The following AHI1 variants were observed in gnomAD, a reference collection of about 807,000 sequenced individuals.
AHI1 encodes the protein jouberin.
A neutral mutation model predicts 149.3 loss-of-function variants in AHI1; 123 were observed. The observed-to-expected ratio is 0.82, with a 90% CI of 0.71 to 0.96. The LOEUF (loss-of-function observed/expected upper bound fraction) is 0.96. AHI1 is among the 40% of genes least tolerant of loss of function. The pLI, the probability that AHI1 is intolerant of heterozygous loss-of-function variation, is 0.00. For synonymous variants in AHI1, 475 were observed against 459.8 expected, an observed-to-expected ratio of 1.03 and a Z score of -0.42; for missense variants, 1,439 against 1,422.7, an observed-to-expected ratio of 1.01 and a Z score of -0.18.
intron 2 of AHI1, among the ~76,000 whole-genome samples, chr6:135,496,787 T>C (rs545782634): frequency 2.2e-4 from 34 of 152,294 alleles, no homozygotes; most frequent in African/African-American, 7.9e-4. Context: ...AATGAATAAA[T>C]CAACAAGATT....
At chr6:135,448,207 C>A in intron 12 of AHI1, 83 bp downstream of exon 12, 1 of 1,025,340 alleles carries the variant, frequency 9.8e-7, no homozygotes, top group Non-Finnish European at 1.3e-6. Flanking sequence ...GAGGCCTTAT[C>A]TTTTTAGAAA....
chr6:135,488,598 T>C (rs560994903), intron 5 of AHI1, among the ~76,000 whole-genome samples: 136 of 152,340 alleles, frequency 8.9e-4, no homozygotes, highest in Non-Finnish European at 1.8e-3. Flanking sequence ...CCAATATCTA[T>C]CTTGCATGAT....
At chr6:135,341,729 A>G (rs949372255) in intron 24 of AHI1, among the ~76,000 whole-genome samples, 3 of 151,978 alleles carry the variant, frequency 2.0e-5, no homozygotes, top group African/African-American at 7.2e-5. Flanking sequence ...CACTGGGTCC[A>G]AAAATAAAAC....
In AHI1 at chr6:135,300,339, AAG is replaced by A. The variant is rs376404275; in HGVS notation, c.3485+159_3485+160del. On this transcript the variant is annotated intron_variant, in intron 27 of 28. Transcript: ENST00000265602. ...GACTCTGTCTCCAAAAAAAAAAAAAAAGAAAAAAAAATCGTAAACAAGCTAAA... is the reference window on the plus strand; with the variant it reads ...GACTCTGTCTCCAAAAAAAAAAAAAAAAAAAAAAATCGTAAACAAGCTAAA... Among the ~76,000 whole-genome samples, 501 of 140,314 alleles carry A rather than the reference AAG, an allele frequency of 3.6e-3. 6 individuals are homozygous for A. Among genetic ancestry groups the A allele is most frequent in the African/African-American group, 0.015 (451 of 30,934 alleles). 92.1% of individuals were successfully genotyped at this position (140,314 alleles called of 152,430 possible). A position where few individuals can be genotyped will look rare whatever the true frequency, so the allele number is the denominator to read the frequency against.
At chr6:135,355,614 A>G (rs990948376) in intron 24 of AHI1, among the ~76,000 whole-genome samples, 4 of 152,152 alleles carry the variant, frequency 2.6e-5, no homozygotes, top group African/African-American at 7.2e-5. Flanking sequence ...GTTAAGAAAC[A>G]TATCGGCTGG....
chr6:135,330,155 T>G (rs1228169421), intron 24 of AHI1, among the ~76,000 whole-genome samples: 4 of 152,184 alleles, frequency 2.6e-5, no homozygotes, highest in Admixed American at 2.6e-4. Context: ...AGCAGCAGGG[T>G]TTGAGAGTAC....
intron 14 of AHI1, among the ~76,000 whole-genome samples, chr6:135,440,794 C>A (rs1786172914): frequency 6.6e-6 from 1 of 152,064 alleles, no homozygotes; most frequent in South Asian, 2.1e-4. Context: ...CAGAATTAGT[C>A]CAAAATCACA....
rs1397997127 is a variant in AHI1, at chr6:135,466,147, T to G, written c.416A>C (p.Gln139Pro). The G allele has an allele frequency of 6.2e-7, 1 of 1,613,938 alleles. No homozygotes were observed. The highest frequency in any genetic ancestry group is 1.3e-5 in the African/African-American group (1 of 75,046). ...CTCAGGAGTTTCCGGTTTCAGGTCT[T>G]GTGTAGTCAACTGGGGCACCGTCTT... is the stretch of plus-strand genomic sequence containing the variant. ...VIKTVPQLTTQDLKPETPENK... is the reference protein window; with the variant it reads ...VIKTVPQLTTPDLKPETPENK... Residue 139 changes from glutamine (Q) to proline (P), a missense_variant, in exon 7 of 29, where the codon CAA (glutamine) becomes CCA (proline). Gln to Pro is a moderately conservative substitution (Grantham distance 76). Transcript: ENST00000265602.
Position 135,466,097 on chromosome 6 carries a change from T to G in AHI1, c.466A>C (p.Lys156Gln). ...PENKVDSTHQ[K>Q]THTKPQPGVD... ...CCTGGCTGTGGCTTTGTATGTGTTT[T>G]CTGGTGTGTAGAATCAACCTTATTC... Residue 156 changes from lysine to glutamine, a missense_variant, in exon 7 of 29, where the codon AAA becomes CAA. Coordinates refer to ENST00000265602, the MANE Select transcript of AHI1 (RefSeq NM_001134831.2). 6.2e-7 allele frequency: 1 copy of G among 1,613,934 alleles called. No individual in the cohort carries two copies. Among genetic ancestry groups the G allele is most frequent in the Non-Finnish European group, 8.5e-7 (1 of 1,179,848 alleles).
chr6:135,346,567 T>C (rs936457654), intron 24 of AHI1, among the ~76,000 whole-genome samples: 15 of 151,948 alleles, frequency 9.9e-5, no homozygotes, highest in Admixed American at 8.5e-4. Flanking sequence ...ATTATAAAGA[T>C]TTTTTTTCTA....
chr6:135,344,809 G>C (rs1039589481), intron 24 of AHI1, among the ~76,000 whole-genome samples: 1 of 150,224 alleles, frequency 6.7e-6, no homozygotes, highest in East Asian at 1.9e-4. Flanking sequence ...GTGAAAGCAA[G>C]TTTATTAGGA....
chr6:135,461,256 A>G (rs1789836942), intron 8 of AHI1, among the ~76,000 whole-genome samples: 2 of 152,072 alleles, frequency 1.3e-5, no homozygotes, highest in Admixed American at 1.3e-4. Context: ...AAAAATGCAG[A>G]CAACTTGAAT....
At chr6:135,432,230 T>C (rs1562756425) in intron 16 of AHI1, among the ~76,000 whole-genome samples, 1 of 152,300 alleles carries the variant, frequency 6.6e-6, no homozygotes, top group Non-Finnish European at 1.5e-5. Flanking sequence ...CAATTAATTA[T>C]AGCGCTAGCC....
chr6:135,448,733 T>C (rs1452025803), intron 11 of AHI1, among the ~76,000 whole-genome samples: 1 of 152,334 alleles, frequency 6.6e-6, no homozygotes, highest in East Asian at 1.9e-4. Flanking sequence ...AGACTGTCGG[T>C]ACAGCATTTA....
chr6:135,471,981 C>T lies in AHI1; in HGVS notation c.136-4347G>A, dbSNP rs543627347. Among the ~76,000 whole-genome samples the T allele has an allele frequency of 1.8e-4, 23 of 127,078 alleles. No individual in the cohort carries two copies. The South Asian group carries it at 5.6e-3, about 31-fold the overall frequency. The allele number at this position is 127,078 out of a possible 152,430, so 83.4% of individuals were successfully genotyped here. Reference sequence around the variant, plus strand: ...GAGCCGAGATTGCGCCACTGCAGTCCGCAGTCCGGCCTGGGCGACAGAGCG... The same window carrying T: ...GAGCCGAGATTGCGCCACTGCAGTCTGCAGTCCGGCCTGGGCGACAGAGCG... On this transcript the variant is annotated intron_variant, in intron 5 of 28. Coordinates refer to ENST00000265602, the MANE Select transcript of AHI1 (RefSeq NM_001134831.2).
intron 26 of AHI1, chr6:135,301,292 T>C: frequency 1.0e-6 from 1 of 977,064 alleles, no homozygotes; most frequent in Non-Finnish European, 1.2e-6. Context: ...ATATAAATTG[T>C]TACTATGTTT....
At chr6:135,489,677 T>C (rs961008346) in intron 5 of AHI1, among the ~76,000 whole-genome samples, 2 of 152,164 alleles carry the variant, frequency 1.3e-5, no homozygotes, top group African/African-American at 4.8e-5. Flanking sequence ...TTCGAAATTT[T>C]TGTGCAGTCG....
intron 24 of AHI1, among the ~76,000 whole-genome samples, chr6:135,348,052 T>TA (rs1791515714): frequency 6.6e-6 from 1 of 152,198 alleles, no homozygotes; most frequent in South Asian, 2.1e-4. Flanking sequence ...GTGTCTGTGT[T>TA]AGTGACGGCC....
In AHI1 at chr6:135,466,255, T is replaced by C; in HGVS notation, c.308A>G (p.Asn103Ser). The C allele has an allele frequency of 6.2e-7, 1 of 1,614,004 alleles. No homozygotes were observed. The highest frequency in any genetic ancestry group is 8.5e-7 in the Non-Finnish European group (1 of 1,179,866). Residue 103 changes from asparagine to serine, a missense_variant, in exon 7 of 29, where the codon AAC becomes AGC. By Grantham distance (46) the Asn-to-Ser change is conservative. Coordinates refer to ENST00000265602, the MANE Select transcript of AHI1 (RefSeq NM_001134831.2). ...AGGATTTTCAGTTGCTAACTGTGTG[T>C]TCCTCAATTTGTTTTTAGTGACTCT... ...STRVTKNKLR[N>S]TQLATENPNG... is the part of the protein sequence containing the mutation.
Sources: allele counts gnomAD v4.1 joint callset (sites outside exome capture counted in the v4.1 genomes callset), GRCh38; gene constraint gnomAD v4.1.1; transcripts MANE v1.5; gene names NCBI Gene and HGNC (gene_info 2026-07-23, HGNC 2026-07-21).